The following BRF1 variants were observed in gnomAD, a reference collection of about 807,000 sequenced individuals.
BRF1 encodes transcription factor IIIB 90 kDa subunit.
Under a neutral mutation model 81.7 loss-of-function variants are expected in BRF1, and 59 were observed. The ratio of observed to expected loss-of-function variants is 0.72; its 90% CI spans 0.59 to 0.90. The LOEUF (loss-of-function observed/expected upper bound fraction) is 0.90. Ranked by LOEUF, BRF1 falls within the 40% of genes least tolerant of loss-of-function variation. BRF1 has a pLI of 0.00. For synonymous variants in BRF1, 491 were observed against 395.6 expected (o/e 1.24, Z -2.86); for missense variants, 1,050 against 936.3 (o/e 1.12, Z -1.58).
rs202009236 is a variant in BRF1, at chr14:105,226,214, A to C, written c.955+37T>G. Reference sequence around the variant, plus strand: ...TCAGCATAAAATCAATTTTCCCAACAAAACAGAAGCATTACATGGGAAGAT... The same window carrying C: ...TCAGCATAAAATCAATTTTCCCAACCAAACAGAAGCATTACATGGGAAGAT... On this transcript the variant is annotated intron_variant, in intron 9 of 17. Coordinates refer to ENST00000547530, the MANE Select transcript of BRF1 (RefSeq NM_001519.4). 405 of 1,614,044 alleles carry C rather than the reference A, an allele frequency of 2.5e-4. No homozygotes were observed. The African/African-American group carries it at 5.0e-3, about 20-fold the overall frequency.
At chr14:105,279,624 C>T (rs1003035960) in intron 2 of BRF1, among the ~76,000 whole-genome samples, 1 of 152,176 alleles carries the variant, frequency 6.6e-6, no homozygotes, top group African/African-American at 2.4e-5. Flanking sequence ...TGAACTGGTA[C>T]AAGCACTACA....
intron 1 of BRF1, among the ~76,000 whole-genome samples, chr14:105,292,097 C>A (rs1219816172): frequency 6.6e-6 from 1 of 152,172 alleles, no homozygotes; most frequent in Non-Finnish European, 1.5e-5. Flanking sequence ...CTCAAGGAAT[C>A]CTCCCACCTC....
intron 1 of BRF1, among the ~76,000 whole-genome samples, chr14:105,294,108 C>A (rs1336497825): frequency 6.6e-6 from 1 of 152,186 alleles, no homozygotes; most frequent in African/African-American, 2.4e-5. Context: ...ACCTAGAGAG[C>A]CTGCCTGGGA....
At chr14:105,266,174 A>T (rs191083543) in intron 3 of BRF1, among the ~76,000 whole-genome samples, 1 of 152,090 alleles carries the variant, frequency 6.6e-6, no homozygotes, top group South Asian at 2.1e-4. Flanking sequence ...GGCCAGATAC[A>T]ATAGCTCACA....
intron 4 of BRF1, among the ~76,000 whole-genome samples, chr14:105,252,953 G>A (rs899151925): frequency 6.6e-6 from 1 of 152,202 alleles, no homozygotes; most frequent in Non-Finnish European, 1.5e-5. Context: ...CACACCTCCA[G>A]CCCAGATTCC....
At chr14:105,217,503 G>A (rs779235642) in intron 15 of BRF1, 41 bp downstream of exon 15, 2 of 1,593,924 alleles carry the variant, frequency 1.3e-6, no homozygotes, top group Admixed American at 3.4e-5. Context: ...TGCCCGCCCT[G>A]GGCTGCTGCC....
Position 105,217,748 on chromosome 14 carries a change from T to G in BRF1, c.1568A>C (p.Glu523Ala), listed in dbSNP as rs1305139622. The stretch of plus-strand genomic sequence containing the variant: ...CTGCTCCAGCATCTTCTCGATGGCC[T>G]CCCTGGCGGTACTGGCCTGAATTGG... Reference protein sequence around the residue: ...REPIQASTAREAIEKMLEQKK... With the variant: ...REPIQASTARAAIEKMLEQKK... Residue 523 changes from glutamate (E) to alanine (A), a missense_variant, in exon 15 of 18, where the codon GAG becomes GCG. Physicochemically the swap from Glu to Ala is moderately radical, Grantham distance 107 (BLOSUM62 -1). Transcript: ENST00000547530. The G allele has an allele frequency of 6.2e-7, 1 of 1,613,264 alleles. No individual in the cohort carries two copies. Among genetic ancestry groups the G allele is most frequent in the Non-Finnish European group, 8.5e-7 (1 of 1,180,014 alleles).
At chr14:105,279,897 A>G (rs587767999) in intron 2 of BRF1, among the ~76,000 whole-genome samples, 1 of 152,378 alleles carries the variant, frequency 6.6e-6, no homozygotes, top group Admixed American at 6.5e-5. Context: ...ACACGCTCCA[A>G]AACAGCACGT....
intron 5 of BRF1, among the ~76,000 whole-genome samples, chr14:105,243,408 C>T (rs1347493392): frequency 6.6e-6 from 1 of 150,926 alleles, no homozygotes; most frequent in African/African-American, 2.4e-5. Context: ...CAAGATCATG[C>T]CACTGCACTC....
chr14:105,308,559 T>G (rs902429649), intron 1 of BRF1, among the ~76,000 whole-genome samples: 1 of 148,258 alleles, frequency 6.7e-6, no homozygotes, highest in African/African-American at 2.5e-5. Context: ...CTTGGCTCAC[T>G]GCAACCTCCG....
At chr14:105,310,934 A>G (rs938664906) in intron 1 of BRF1, among the ~76,000 whole-genome samples, 1 of 152,202 alleles carries the variant, frequency 6.6e-6, no homozygotes, top group South Asian at 2.1e-4. Flanking sequence ...CATACTGCAC[A>G]TGGACATGCA....
rs181547967 is a variant in BRF1, at chr14:105,306,698, C to T, written c.-162+8624G>A. Among the ~76,000 whole-genome samples the T allele has an allele frequency of 9.2e-5, 14 of 152,116 alleles. 1 individual carries two copies. The highest frequency in any genetic ancestry group is 3.4e-4 in the African/African-American group (14 of 41,508). ...TTGATGTACCGCAATCTCTACCTCC[C>T]GGGTTCAAGCAATTCTCCTGCCTCA... On this transcript the variant is annotated intron_variant, in intron 1 of 17. Transcript: ENST00000327359.
chr14:105,249,311 A>G, intron 5 of BRF1: 1 of 1,590,008 alleles, frequency 6.3e-7, no homozygotes, highest in Non-Finnish European at 8.6e-7. Flanking sequence ...TGTGGCTGAC[A>G]CGCAGCCTGC....
In BRF1 at chr14:105,300,776, A is replaced by T; in HGVS notation, c.-147T>A. ...CCCGCTCCAGCCGATTCGCAGCCGC[A>T]GATTCGCCGCGCGCGCCCGGGCCGC... is the stretch of plus-strand genomic sequence containing the variant. On this transcript the variant is annotated 5_prime_UTR_variant, in exon 1 of 18. Transcript: ENST00000547530. The T allele has an allele frequency of 1.8e-6, 1 of 540,686 alleles. No homozygotes were observed. Among genetic ancestry groups the T allele is most frequent in the Admixed American group, 5.2e-5 (1 of 19,298 alleles). 33.5% of individuals were successfully genotyped at this position (540,686 alleles called of 1,614,324 possible).
intron 10 of BRF1, among the ~76,000 whole-genome samples, chr14:105,225,794 C>T (rs1006890725): frequency 3.0e-4 from 45 of 152,158 alleles, no homozygotes; most frequent in African/African-American, 9.9e-4. Context: ...ACTACAGGTG[C>T]GCACCACCAC....
intron 1 of BRF1, among the ~76,000 whole-genome samples, chr14:105,288,785 A>C (rs12887040): frequency 6.4e-4 from 97 of 151,514 alleles, no homozygotes; most frequent in Non-Finnish European, 9.0e-4. Context: ...AGGTGCCTGC[A>C]ACCACGCCCG....
chr14:105,307,840 C>T (rs587727098), intron 1 of BRF1, among the ~76,000 whole-genome samples: 146 of 152,324 alleles, frequency 9.6e-4, no homozygotes, highest in African/African-American at 3.4e-3. Context: ...GTCTGTTCTC[C>T]GCAACTCGAG....
chr14:105,262,835 C>G (rs892363957), intron 3 of BRF1, among the ~76,000 whole-genome samples: 4 of 152,132 alleles, frequency 2.6e-5, no homozygotes, highest in Non-Finnish European at 5.9e-5. Flanking sequence ...CCTTCCAATT[C>G]TCGCCAATTC....
intron 10 of BRF1, chr14:105,222,271 A>G (rs1364244232): frequency 9.4e-6 from 2 of 212,254 alleles, no homozygotes; most frequent in East Asian, 2.8e-4. Context: ...GCCCTTTGAA[A>G]GACATCGTTA....
Sources: gnomAD v4.1 joint callset for allele counts (sites outside exome capture counted in the v4.1 genomes callset) on GRCh38, gnomAD v4.1.1 for gene constraint, MANE v1.5 for transcripts, NCBI Gene and HGNC (gene_info 2026-07-23, HGNC 2026-07-21) for gene names.